The following RABGEF1 variants were observed in gnomAD, a reference collection of about 807,000 sequenced individuals.
RABGEF1 encodes the protein rab5 GDP/GTP exchange factor.
RABGEF1 carries 26 observed loss-of-function variants against 57.3 expected under a neutral mutation model. The observed-to-expected ratio is 0.45, with a 90% confidence interval of 0.33 to 0.63. RABGEF1 has a LOEUF of 0.63. Among genes scored for constraint, RABGEF1 ranks in the 20% least tolerant of loss-of-function variants. The pLI, the probability that RABGEF1 is intolerant of heterozygous loss-of-function variation, is 0.02. For synonymous variants in RABGEF1, 185 were observed against 210.7 expected (o/e 0.88, Z 1.06); for missense variants, 464 against 607.6 (o/e 0.76, Z 2.48).
intron 1 of RABGEF1, among the ~76,000 whole-genome samples, chr7:66,700,270 C>T (rs1176675224): frequency 2.0e-5 from 3 of 152,242 alleles, no homozygotes; most frequent in South Asian, 2.1e-4. Flanking sequence ...CCTACTGGGC[C>T]GGAGCTTGCT....
At chr7:66,775,729 GTA>G (rs1808364120) in intron 3 of RABGEF1, among the ~76,000 whole-genome samples, 1 of 152,110 alleles carries the variant, frequency 6.6e-6, no homozygotes. Context: ...TTGTTCTGTG[GTA>G]TAATACCCTC....
At chr7:66,736,221 A>G (rs922492028), upstream of RABGEF1, among the ~76,000 whole-genome samples, 1 of 152,252 alleles carries the variant, frequency 6.6e-6, no homozygotes, top group African/African-American at 2.4e-5. Flanking sequence ...CCATGCACAC[A>G]CTTTCTCAGA....
intron 1 of RABGEF1, among the ~76,000 whole-genome samples, chr7:66,766,445 C>T (rs1805729629): frequency 6.6e-6 from 1 of 152,020 alleles, no homozygotes; most frequent in Admixed American, 6.6e-5. Context: ...TAAAAACATT[C>T]TAGGACTCTA....
At chr7:66,702,867 T>C (rs1793498713) in intron 1 of RABGEF1, among the ~76,000 whole-genome samples, 1 of 152,234 alleles carries the variant, frequency 6.6e-6, no homozygotes, top group Admixed American at 6.5e-5. Flanking sequence ...TTATATATTC[T>C]GGAAACTAGA....
intron 1 of RABGEF1, among the ~76,000 whole-genome samples, chr7:66,748,567 A>T (rs1434073909): frequency 6.6e-6 from 1 of 152,164 alleles, no homozygotes; most frequent in East Asian, 1.9e-4. Flanking sequence ...TTTTTGAGGA[A>T]AATCACTTTA....
At chr7:66,779,456 A>G (rs1443798374) in intron 3 of RABGEF1, among the ~76,000 whole-genome samples, 3 of 151,480 alleles carry the variant, frequency 2.0e-5, no homozygotes, top group Non-Finnish European at 2.9e-5. Flanking sequence ...GTGAGCCAAG[A>G]TCGTGCCATT....
upstream of RABGEF1, among the ~76,000 whole-genome samples, chr7:66,736,935 G>C (rs1562754396): frequency 6.6e-6 from 1 of 151,900 alleles, no homozygotes; most frequent in Non-Finnish European, 1.5e-5. Flanking sequence ...TACGTATACA[G>C]ACACACACAC....
chr7:66,700,687 TCACAC>T (rs1325403015), intron 1 of RABGEF1, among the ~76,000 whole-genome samples: 1 of 152,172 alleles, frequency 6.6e-6, no homozygotes, highest in African/African-American at 2.4e-5. Context: ...TCAGCTCTCT[TCACAC>T]CACCCACCCT....
At chr7:66,686,813 C>G (rs1036374888) in intron 1 of RABGEF1, among the ~76,000 whole-genome samples, 4 of 151,010 alleles carry the variant, frequency 2.6e-5, no homozygotes, top group Non-Finnish European at 5.9e-5. Context: ...TATAGTAGAA[C>G]TTTTTTTTCT....
In RABGEF1 at chr7:66,784,182, C is replaced by A. The variant is rs578089698; in HGVS notation, c.513+341C>A. On this transcript the variant is annotated intron_variant, in intron 4 of 8. Transcript: ENST00000284957. ...TTAACTCTGTGCAACCATTGTTAGG[C>A]CAGTGGCAGTAATTTTAAGGGTTGT... is the stretch of plus-strand genomic sequence containing the variant. Among the ~76,000 whole-genome samples, 3 of 152,198 alleles carry A rather than the reference C, an allele frequency of 2.0e-5. No homozygotes were observed. The South Asian group carries it at 6.2e-4, about 32-fold the overall frequency.
chr7:66,700,974 G>A (rs1793164405), intron 1 of RABGEF1, among the ~76,000 whole-genome samples: 2 of 152,202 alleles, frequency 1.3e-5, no homozygotes, highest in South Asian at 4.1e-4. Context: ...CAGTGTGGTG[G>A]GCAGCGCTGT....
At chr7:66,713,557 A>G (rs1032205156) in intron 2 of RABGEF1, among the ~76,000 whole-genome samples, 2 of 152,166 alleles carry the variant, frequency 1.3e-5, no homozygotes, top group African/African-American at 2.4e-5. Context: ...TTCCAGTACA[A>G]TGTTGAACAG....
chr7:66,801,954 C>T (rs1787390584), intron 7 of RABGEF1, among the ~76,000 whole-genome samples: 1 of 152,192 alleles, frequency 6.6e-6, no homozygotes, highest in African/African-American at 2.4e-5. Flanking sequence ...GTCACCCAGG[C>T]TGGAGTGCAA....
chr7:66,665,590 C>G, the RABGEF1 span, among the ~76,000 whole-genome samples: 7 of 152,108 alleles, frequency 4.6e-5, no homozygotes, highest in Admixed American at 4.6e-4. Flanking sequence ...TGACCCTGGG[C>G]GAGTCAGTTC....
intron 1 of RABGEF1, among the ~76,000 whole-genome samples, chr7:66,686,526 T>C (rs917854495): frequency 5.3e-5 from 8 of 152,222 alleles, no homozygotes; most frequent in African/African-American, 1.4e-4. Context: ...TTATTAAATA[T>C]ACACTTTTAT....
In RABGEF1 at chr7:66,763,264, G is replaced by A. The variant is rs549899015; in HGVS notation, c.-17-8619G>A. Reference sequence around the variant, plus strand: ...CCTCAGGAGGTCAGAATTAAGCATCGGCCAGCCTGGGTTTTTATTTGGAGG... The same window carrying A: ...CCTCAGGAGGTCAGAATTAAGCATCAGCCAGCCTGGGTTTTTATTTGGAGG... On this transcript the variant is annotated intron_variant, in intron 1 of 8. Coordinates refer to ENST00000284957, the MANE Select transcript of RABGEF1 (RefSeq NM_014504.3). 5.9e-5 allele frequency among the ~76,000 whole-genome samples: 9 copies of A among 152,296 alleles called. No individual in the cohort carries two copies. The East Asian group carries it at 1.2e-3, about 20-fold the overall frequency.
intron 7 of RABGEF1, among the ~76,000 whole-genome samples, chr7:66,800,207 C>T (rs1195173229): frequency 2.0e-5 from 3 of 152,146 alleles, no homozygotes; most frequent in Admixed American, 6.5e-5. Flanking sequence ...CCTTTTGTTA[C>T]AGGAACCAGA....
At chr7:66,655,363 C>T in the RABGEF1 span, among the ~76,000 whole-genome samples, 3 of 151,486 alleles carry the variant, frequency 2.0e-5, no homozygotes, top group African/African-American at 7.2e-5. Context: ...GGTGTCTCAG[C>T]GCGGGTGACC....
At chr7:66,685,842 A>G (rs1354421466) in intron 1 of RABGEF1, among the ~76,000 whole-genome samples, 1 of 152,154 alleles carries the variant, frequency 6.6e-6, no homozygotes, top group Non-Finnish European at 1.5e-5. Context: ...AATTTCTGGC[A>G]CGTGGGGTTT....
Sources: gnomAD v4.1 joint callset for allele counts (sites outside exome capture counted in the v4.1 genomes callset) on GRCh38, gnomAD v4.1.1 for gene constraint, MANE v1.5 for transcripts, NCBI Gene and HGNC (gene_info 2026-07-23, HGNC 2026-07-21) for gene names.